The following INTS6 variants were observed in gnomAD, a reference collection of about 807,000 sequenced individuals.
INTS6 encodes integrator complex subunit 6.
A neutral mutation model predicts 104.9 loss-of-function variants in INTS6; 16 were observed. The ratio of observed to expected loss-of-function variants is 0.15; its 90% CI spans 0.10 to 0.23. The LOEUF (loss-of-function observed/expected upper bound fraction) is 0.23, where lower values mean the gene tolerates loss of function less well. INTS6 is among the 10% of genes least tolerant of loss of function. The pLI is 1.00. For missense variants in INTS6, 584 were observed against 1,062.8 expected (o/e 0.55, Z 6.26); for synonymous variants, 324 against 358.7 (o/e 0.90, Z 1.09).
intron 3 of INTS6, chr13:51,444,873 T>A (rs1952876963): frequency 6.6e-6 from 1 of 151,608 alleles, no homozygotes; most frequent in African/African-American, 2.4e-5. Flanking sequence ...TATAAAATTC[T>A]GAAGAAATAT....
At chr13:51,349,648 C>T (rs181617885), downstream of INTS6, among the ~76,000 whole-genome samples, 7 of 152,098 alleles carry the variant, frequency 4.6e-5, no homozygotes, top group East Asian at 5.8e-4. Flanking sequence ...GAAGAGACCC[C>T]GGGGAAATTC....
intron 4 of INTS6, among the ~76,000 whole-genome samples, chr13:51,414,623 A>C (rs997169018): frequency 4.6e-5 from 7 of 152,206 alleles, no homozygotes; most frequent in African/African-American, 1.7e-4. Context: ...AAGAAGCTTA[A>C]TAAAAGCTTT....
chr13:51,448,750 C>T (rs537267371), intron 3 of INTS6: 27 of 152,178 alleles, frequency 1.8e-4, no homozygotes, highest in African/African-American at 5.8e-4. Context: ...AAAATATATA[C>T]GTTCTATCTT....
chr13:51,342,910 C>CA, the INTS6 span, among the ~76,000 whole-genome samples: 1 of 152,182 alleles, frequency 6.6e-6, no homozygotes, highest in Admixed American at 6.5e-5. Flanking sequence ...TTCATGAGAT[C>CA]AAGATTCTGA....
At chr13:51,432,789 G>A (rs1957118665) in intron 3 of INTS6, among the ~76,000 whole-genome samples, 1 of 152,190 alleles carries the variant, frequency 6.6e-6, no homozygotes, top group South Asian at 2.1e-4. Flanking sequence ...TCCCTCTTGT[G>A]TCTTTCAGCC....
At chr13:51,375,723 T>A (rs1386973037) in intron 13 of INTS6, among the ~76,000 whole-genome samples, 1 of 147,708 alleles carries the variant, frequency 6.8e-6, no homozygotes, top group Admixed American at 6.7e-5. Flanking sequence ...AAGTATACAG[T>A]TTGATAAGTG....
At chr13:51,361,426 A>G (rs1177724253), downstream of INTS6, 2 of 1,008,468 alleles carry the variant, frequency 2.0e-6, no homozygotes, top group Non-Finnish European at 1.5e-6. Flanking sequence ...AAATTTACCT[A>G]GTTGAATCTT....
Position 51,452,394 on chromosome 13 carries a change from C to T in INTS6, c.111+21G>A. ...CGGGCCGCCGGGCCGGGGTCGCCGC[C>T]CGGGCTCGGTCAGTCGGTACCTTCA... On this transcript the variant is annotated intron_variant, in intron 1 of 17. Transcript: ENST00000311234. The surrounding 1 kb of genome is among the most constrained non-coding windows in gnomAD (Gnocchi z 4.2). 1 of 1,545,716 alleles carries T rather than the reference C, an allele frequency of 6.5e-7. No individual in the cohort carries two copies. The highest frequency in any genetic ancestry group is 8.7e-7 in the Non-Finnish European group (1 of 1,147,198).
chr13:51,365,744 A>C lies in INTS6; in HGVS notation c.*8T>G. The C allele has an allele frequency of 6.9e-7, 1 of 1,455,192 alleles. No homozygotes were observed. The highest frequency in any genetic ancestry group is 9.5e-7 in the Non-Finnish European group (1 of 1,055,518). The allele number at this position is 1,455,192 out of a possible 1,614,324, so 90.1% of individuals were successfully genotyped here. On this transcript the variant is annotated 3_prime_UTR_variant, in exon 18 of 18. Transcript: ENST00000311234. Reference sequence around the variant, plus strand: ...ATAGTGAAATAAGTGGCCACATTCTATTTTCTTTTAATTGCTATTAATATG... The same window carrying C: ...ATAGTGAAATAAGTGGCCACATTCTCTTTTCTTTTAATTGCTATTAATATG...
intron 4 of INTS6, among the ~76,000 whole-genome samples, chr13:51,398,558 T>C (rs1956380783): frequency 6.6e-6 from 1 of 152,096 alleles, no homozygotes; most frequent in Non-Finnish European, 1.5e-5. Context: ...TACCAAGTGA[T>C]GACAAGAATA....
the INTS6 span, chr13:51,344,121 T>TTC: frequency 1.5e-6 from 1 of 685,748 alleles, no homozygotes; most frequent in Non-Finnish European, 2.6e-6. Context: ...ACTGGCTTTG[T>TTC]ATGGTAGATG....
chr13:51,426,066 AT>A, intron 4 of INTS6, among the ~76,000 whole-genome samples: 1 of 152,228 alleles, frequency 6.6e-6, no homozygotes, highest in South Asian at 2.1e-4. Context: ...AAATACATTC[AT>A]GACACTTCAG....
downstream of INTS6, among the ~76,000 whole-genome samples, chr13:51,349,567 G>T (rs752143623): frequency 5.3e-5 from 8 of 152,310 alleles, no homozygotes; most frequent in Middle Eastern, 3.4e-3. Context: ...AGGCTGGTGC[G>T]AGAATTCGCC....
rs1242463407 is a variant in INTS6 at position 51,439,105 on chromosome 13, C to CT, written c.340-8723dup. 3 of 152,338 alleles carry CT rather than the reference C, an allele frequency of 2.0e-5. No individual in the cohort carries two copies. The East Asian group carries it at 5.8e-4, about 29-fold the overall frequency. The allele number at this position is 152,338 out of a possible 1,614,324, so 9.4% of individuals were successfully genotyped here. On this transcript the variant is annotated intron_variant, in intron 3 of 17. Transcript: ENST00000311234. Reference sequence around the variant, plus strand: ...TTACTCTGACACACCAGCATCAACTCTGTCATTTCCTAGCTACAAACTGCA... The same window carrying CT: ...TTACTCTGACACACCAGCATCAACTCTTGTCATTTCCTAGCTACAAACTGCA...
Position 51,364,356 on chromosome 13 carries a change from T to A in INTS6, c.*1396A>T, listed in dbSNP as rs1027667547. 49 of 800,562 alleles carry A rather than the reference T, an allele frequency of 6.1e-5. No individual in the cohort carries two copies. In the East Asian group the frequency reaches 9.3e-4, roughly 15 times the overall value. The allele number at this position is 800,562 out of a possible 1,614,324, so 49.6% of individuals were successfully genotyped here. A position where few individuals can be genotyped will look rare whatever the true frequency, so the allele number is the denominator to read the frequency against. On this transcript the variant is annotated 3_prime_UTR_variant, in exon 18 of 18. Coordinates refer to ENST00000311234, the MANE Select transcript of INTS6 (RefSeq NM_012141.3). Reference sequence around the variant, plus strand: ...TTCATTTTGCTATACCCTTGAAATTTAAAAAAATGTCTGATAAAGTGTAAA... The same window carrying A: ...TTCATTTTGCTATACCCTTGAAATTAAAAAAAATGTCTGATAAAGTGTAAA...
intron 4 of INTS6, among the ~76,000 whole-genome samples, chr13:51,426,801 T>C (rs150859133): frequency 2.0e-5 from 3 of 151,964 alleles, no homozygotes; most frequent in East Asian, 1.9e-4. Context: ...ATCAGATAAA[T>C]AGAAGGTAAA....
chr13:51,362,148 T>A lies in INTS6; in HGVS notation c.*3604A>T. 1 of 1,063,814 alleles carries A rather than the reference T, an allele frequency of 9.4e-7. No homozygotes were observed. 65.9% of individuals were successfully genotyped at this position (1,063,814 alleles called of 1,614,324 possible). ...TATAGTTAATGTAGATTTTTTTTTT[T>A]AATGCTATAGGTTTCTACTTCTGAA... On this transcript the variant is annotated 3_prime_UTR_variant, in exon 18 of 18. Coordinates refer to ENST00000311234, the MANE Select transcript of INTS6 (RefSeq NM_012141.3).
downstream of INTS6, among the ~76,000 whole-genome samples, chr13:51,350,126 T>C (rs1955390310): frequency 6.6e-6 from 1 of 152,136 alleles, no homozygotes; most frequent in Non-Finnish European, 1.5e-5. Flanking sequence ...GCATTTTTCG[T>C]TTAACAAGAG....
At chr13:51,360,153 G>C (rs1453357660), downstream of INTS6, among the ~76,000 whole-genome samples, 1 of 152,032 alleles carries the variant, frequency 6.6e-6, no homozygotes, top group African/African-American at 2.4e-5. Context: ...CTGTGTGTGC[G>C]TGACAAACAC....
Sources: allele counts gnomAD v4.1 joint callset (sites outside exome capture counted in the v4.1 genomes callset), GRCh38; gene constraint gnomAD v4.1.1; non-coding constraint Gnocchi (gnomAD v3.1); transcripts MANE v1.5; gene names NCBI Gene and HGNC (gene_info 2026-07-23, HGNC 2026-07-21).